GRIK2: variants seen among roughly 807,000 people sequenced by gnomAD.
GRIK2 encodes the protein glutamate receptor ionotropic, kainate 2.
GRIK2 carries 32 observed loss-of-function variants against 100.3 expected under a neutral mutation model. The observed-to-expected ratio is 0.32, with a 90% CI of 0.24 to 0.43. The LOEUF is 0.43. Ranked by LOEUF, GRIK2 falls within the 20% of genes least tolerant of loss-of-function variation. The pLI is 1.00. For missense variants in GRIK2, 843 were observed against 1,114.9 expected (o/e 0.76, Z 3.47); for synonymous variants, 417 against 389.4 (o/e 1.07, Z -0.83).
chr6:101,698,703 TATAA>T (rs369137183), intron 7 of GRIK2, among the ~76,000 whole-genome samples: 3 of 152,072 alleles, frequency 2.0e-5, no homozygotes, highest in Non-Finnish European at 2.9e-5. Flanking sequence ...ATAAGAAAAA[TATAA>T]ATAAATAGAT....
intron 7 of GRIK2, among the ~76,000 whole-genome samples, chr6:101,700,748 C>G (rs1176007844): frequency 6.6e-6 from 1 of 152,116 alleles, no homozygotes; most frequent in African/African-American, 2.4e-5. Context: ...TATCCTGCTT[C>G]CAGGAAGGCA....
intron 7 of GRIK2, among the ~76,000 whole-genome samples, chr6:101,713,526 G>A (rs1378978800): frequency 6.6e-6 from 1 of 151,716 alleles, no homozygotes; most frequent in Non-Finnish European, 1.5e-5. Context: ...TTATCTTCAA[G>A]CATGTGGTCT....
chr6:101,873,455 A>G (rs905972835), intron 11 of GRIK2, among the ~76,000 whole-genome samples: 1 of 151,884 alleles, frequency 6.6e-6, no homozygotes, highest in African/African-American at 2.4e-5. Flanking sequence ...ATAGTATTCC[A>G]TGGTGTATAT....
chr6:101,835,313 C>A (rs1000528334), intron 10 of GRIK2, among the ~76,000 whole-genome samples: 1 of 151,918 alleles, frequency 6.6e-6, no homozygotes, highest in South Asian at 2.1e-4. Context: ...TGTTTTTATA[C>A]GTTGATTTTT....
At chr6:101,432,845 C>A (rs1769486495) in intron 2 of GRIK2, among the ~76,000 whole-genome samples, 1 of 151,970 alleles carries the variant, frequency 6.6e-6, no homozygotes, top group African/African-American at 2.4e-5. Flanking sequence ...GGCAAACCAA[C>A]AAAGAACAAA....
chr6:102,014,921 G>A (rs1381953246), intron 14 of GRIK2, among the ~76,000 whole-genome samples: 1 of 152,116 alleles, frequency 6.6e-6, no homozygotes, highest in Non-Finnish European at 1.5e-5. Flanking sequence ...TTGTTTTGGG[G>A]TGGAGAGTTC....
At chr6:102,023,575 T>C (rs988457824) in intron 14 of GRIK2, among the ~76,000 whole-genome samples, 1 of 151,566 alleles carries the variant, frequency 6.6e-6, no homozygotes, top group Non-Finnish European at 1.5e-5. Context: ...GGTCAACTAC[T>C]AAAAGTGAGT....
intron 12 of GRIK2, among the ~76,000 whole-genome samples, chr6:101,897,972 A>AGTG (rs755151664): frequency 6.6e-6 from 1 of 151,888 alleles, no homozygotes; most frequent in Non-Finnish European, 1.5e-5. Flanking sequence ...CTTGTACCAG[A>AGTG]GTGGTGGGTC....
intron 14 of GRIK2, among the ~76,000 whole-genome samples, chr6:101,959,897 C>T (rs1314423738): frequency 2.0e-5 from 3 of 152,022 alleles, no homozygotes; most frequent in Non-Finnish European, 2.9e-5. Flanking sequence ...TATTTGGATA[C>T]CTAATTCCCT....
intron 14 of GRIK2, among the ~76,000 whole-genome samples, chr6:101,956,772 GTA>G (rs927924286): frequency 1.5e-5 from 2 of 136,012 alleles, no homozygotes; most frequent in African/African-American, 5.5e-5. Context: ...ATATATGTGT[GTA>G]TATATATATA....
intron 2 of GRIK2, among the ~76,000 whole-genome samples, chr6:101,584,689 T>A (rs539034671): frequency 1.3e-5 from 2 of 151,976 alleles, no homozygotes; most frequent in Non-Finnish European, 2.9e-5. Flanking sequence ...ATATAACAGA[T>A]CTTCTAAATC....
At chr6:101,832,252 C>G (rs1782749368) in intron 10 of GRIK2, among the ~76,000 whole-genome samples, 1 of 151,976 alleles carries the variant, frequency 6.6e-6, no homozygotes, top group Non-Finnish European at 1.5e-5. Flanking sequence ...AAATTTGAAA[C>G]TCTTTTAAAA....
intron 4 of GRIK2, among the ~76,000 whole-genome samples, chr6:101,643,577 A>G (rs1781384983): frequency 6.6e-6 from 1 of 151,614 alleles, no homozygotes; most frequent in South Asian, 2.1e-4. Context: ...TCTCTATTTT[A>G]TTCCATTGGT....
chr6:101,461,047 T>C (rs1225661662), intron 2 of GRIK2, among the ~76,000 whole-genome samples: 2 of 152,178 alleles, frequency 1.3e-5, no homozygotes, highest in African/African-American at 2.4e-5. Context: ...ACTGTGGAGA[T>C]AAAGTGATAA....
rs149530127 is a variant in GRIK2, at chr6:101,468,433, T to C, written c.115+69041T>C. On this transcript the variant is annotated intron_variant, in intron 2 of 16. Transcript: ENST00000369134. ...ATTCCAGTTAGCTGGCATGTCTTTT[T>C]ATAGTATGTTTTCACTTTGGCATGG... is the stretch of plus-strand genomic sequence containing the variant. Among the ~76,000 whole-genome samples the C allele has an allele frequency of 5.0e-3, 759 of 152,256 alleles. 4 individuals carry two copies. The highest frequency in any genetic ancestry group is 7.7e-3 in the Non-Finnish European group (526 of 68,004).
chr6:101,950,299 G>A (rs1165298110), intron 14 of GRIK2, among the ~76,000 whole-genome samples: 8 of 152,012 alleles, frequency 5.3e-5, no homozygotes, highest in Non-Finnish European at 1.2e-4. Context: ...AATTTTTATA[G>A]CTTTATGTTT....
chr6:101,825,004 C>A (rs1782223487), intron 10 of GRIK2, among the ~76,000 whole-genome samples: 1 of 152,172 alleles, frequency 6.6e-6, no homozygotes, highest in Non-Finnish European at 1.5e-5. Flanking sequence ...TCTGCCACTG[C>A]AATAAGTTTT....
intron 12 of GRIK2, among the ~76,000 whole-genome samples, chr6:101,902,041 G>A (rs1010209495): frequency 1.1e-5 from 1 of 90,590 alleles, no homozygotes; most frequent in African/African-American, 4.1e-5. Context: ...AAATTTAAAT[G>A]ATATTTATTG....
intron 7 of GRIK2, among the ~76,000 whole-genome samples, chr6:101,691,303 C>CTT (rs367732807): frequency 2.1e-5 from 3 of 141,118 alleles, no homozygotes; most frequent in Admixed American, 7.1e-5. Context: ...ACTTTTTTTT[C>CTT]TTTTTTTTTT....
Sources: allele counts gnomAD v4.1 joint callset (sites outside exome capture counted in the v4.1 genomes callset), GRCh38; gene constraint gnomAD v4.1.1; transcripts MANE v1.5; gene names NCBI Gene and HGNC (gene_info 2026-07-23, HGNC 2026-07-21).